Variants in MICU1 observed in about 807,000 individuals in gnomAD.
MICU1 encodes mitochondrial calcium uptake 1.
A neutral mutation model predicts 56.8 loss-of-function variants in MICU1; 45 were observed. The observed-to-expected ratio is 0.79, with a 90% CI of 0.62 to 1.02. MICU1 has a LOEUF of 1.02. Ranked by LOEUF, MICU1 falls within the 50% of genes least tolerant of loss-of-function variation. The pLI is 0.00. For missense variants in MICU1, 504 were observed against 587.1 expected (o/e 0.86, Z 1.46); for synonymous variants, 186 against 195.1 (o/e 0.95, Z 0.39).
chr10:72,462,574 T>A (rs1024199254), intron 8 of MICU1, among the ~76,000 whole-genome samples: 1 of 152,212 alleles, frequency 6.6e-6, no homozygotes, highest in Non-Finnish European at 1.5e-5. Flanking sequence ...CTGTTGTAGC[T>A]AGAAGTGTAT....
chr10:72,604,475 G>A (rs980877625), intron 1 of MICU1, among the ~76,000 whole-genome samples: 13 of 151,886 alleles, frequency 8.6e-5, no homozygotes, highest in Middle Eastern at 6.8e-3. Flanking sequence ...GTTTCTCCAC[G>A]TTGGTCAGGC....
intron 6 of MICU1, among the ~76,000 whole-genome samples, chr10:72,493,994 CTA>C (rs1866752876): frequency 6.6e-6 from 1 of 152,106 alleles, no homozygotes; most frequent in Admixed American, 6.6e-5. Flanking sequence ...TTTGGGAACA[CTA>C]TGAATTTGGT....
intron 8 of MICU1, among the ~76,000 whole-genome samples, chr10:72,450,085 G>A (rs1865246963): frequency 6.6e-6 from 1 of 152,088 alleles, no homozygotes; most frequent in Admixed American, 6.6e-5. Flanking sequence ...ACACTCTCGT[G>A]AAAGTTCTCA....
At chr10:72,493,097 C>T (rs908128115) in intron 6 of MICU1, among the ~76,000 whole-genome samples, 1 of 152,012 alleles carries the variant, frequency 6.6e-6, no homozygotes, top group Non-Finnish European at 1.5e-5. Context: ...AGCCTGCTTA[C>T]CCCCCAAACA....
intron 1 of MICU1, among the ~76,000 whole-genome samples, chr10:72,589,286 C>T (rs1276657405): frequency 1.3e-5 from 2 of 148,890 alleles, no homozygotes; most frequent in East Asian, 3.9e-4. Context: ...GAAACTCCGT[C>T]TCAGGGAAAA....
At chr10:72,569,426 G>A (rs1840551445) in intron 1 of MICU1, among the ~76,000 whole-genome samples, 1 of 149,910 alleles carries the variant, frequency 6.7e-6, no homozygotes, top group Non-Finnish European at 1.5e-5. Flanking sequence ...ATAGAGATGG[G>A]GTTTCATCAT....
At chr10:72,403,489 T>G (rs895883704) in intron 10 of MICU1, among the ~76,000 whole-genome samples, 1 of 152,000 alleles carries the variant, frequency 6.6e-6, no homozygotes, top group African/African-American at 2.4e-5. Flanking sequence ...AGTGTTGGGA[T>G]TATAGGTGTA....
At chr10:72,542,250 G>A (rs1839790389) in intron 4 of MICU1, among the ~76,000 whole-genome samples, 1 of 152,074 alleles carries the variant, frequency 6.6e-6, no homozygotes, top group Non-Finnish European at 1.5e-5. Flanking sequence ...GCTGCTTCTT[G>A]TGATTTTTTT....
chr10:72,397,528 T>C lies in MICU1; in HGVS notation c.1180+10401A>G, dbSNP rs569966508. On this transcript the variant is annotated intron_variant, in intron 10 of 11. Transcript: ENST00000361114. ...TCAAGATGCATCAGTGTGCTGTATT[T>C]AGGAGACCCATCTCATGTGCAAAGA... 7.2e-5 allele frequency among the ~76,000 whole-genome samples: 11 copies of C among 152,284 alleles called. 1 individual carries two copies. In the South Asian group the frequency reaches 1.9e-3, roughly 26 times the overall value.
Position 72,412,131 on chromosome 10 carries a change from T to A in MICU1, c.1072-4094A>T, listed in dbSNP as rs533152021. 3.3e-5 allele frequency among the ~76,000 whole-genome samples: 5 copies of A among 152,340 alleles called. No homozygotes were observed. The East Asian group carries it at 7.7e-4, about 24-fold the overall frequency. On this transcript the variant is annotated intron_variant, in intron 9 of 11. Transcript: ENST00000361114. ...AAGATGATGTCAGTCCCAAAATTCT[T>A]ATTTTTTTGGTAACTACTATGGTAA...
intron 3 of MICU1, among the ~76,000 whole-genome samples, chr10:72,553,389 A>G (rs1840084466): frequency 6.6e-6 from 1 of 152,014 alleles, no homozygotes; most frequent in Non-Finnish European, 1.5e-5. Flanking sequence ...GCCCGCCACC[A>G]CGCCCGGCTA....
At chr10:72,487,641 G>C (rs1487384521) in intron 6 of MICU1, among the ~76,000 whole-genome samples, 1 of 152,178 alleles carries the variant, frequency 6.6e-6, no homozygotes, top group African/African-American at 2.4e-5. Context: ...TTCTGAAGGA[G>C]AATGATAATA....
chr10:72,492,434 G>A (rs1273606815), intron 6 of MICU1, among the ~76,000 whole-genome samples: 2 of 152,080 alleles, frequency 1.3e-5, no homozygotes, highest in African/African-American at 4.8e-5. Context: ...CAATTTTGCT[G>A]ACAGATTGGA....
At chr10:72,562,734 T>C (rs1840331264) in intron 3 of MICU1, 161 bp downstream of exon 3, 1 of 566,466 alleles carries the variant, frequency 1.8e-6, no homozygotes, top group South Asian at 4.6e-5. Context: ...TAACCTCACA[T>C]TCCAAGAGTA....
chr10:72,517,900 T>A (rs1190551560), intron 5 of MICU1, among the ~76,000 whole-genome samples: 1 of 152,166 alleles, frequency 6.6e-6, no homozygotes, highest in Non-Finnish European at 1.5e-5. Context: ...ACACCACTTA[T>A]ACACTTCAGG....
chr10:72,455,373 A>G (rs2132223416), intron 8 of MICU1, among the ~76,000 whole-genome samples: 2 of 149,230 alleles, frequency 1.3e-5, no homozygotes, highest in South Asian at 2.1e-4. Flanking sequence ...AAAAAAAAAA[A>G]AAAGATCAAA....
At chr10:72,620,922 G>A (rs1842089583) in intron 1 of MICU1, among the ~76,000 whole-genome samples, 1 of 151,754 alleles carries the variant, frequency 6.6e-6, no homozygotes, top group Non-Finnish European at 1.5e-5. Context: ...CCACTCTATC[G>A]TGCTCTTAAA....
chr10:72,611,160 G>A (rs534103357), intron 1 of MICU1, among the ~76,000 whole-genome samples: 139 of 149,968 alleles, frequency 9.3e-4, no homozygotes, highest in African/African-American at 3.0e-3. Flanking sequence ...AAAATTAGCC[G>A]GGCGCTGTAG....
chr10:72,569,653 A>C (rs1840557976), intron 1 of MICU1, among the ~76,000 whole-genome samples: 1 of 152,208 alleles, frequency 6.6e-6, no homozygotes, highest in Admixed American at 6.5e-5. Flanking sequence ...CTTAAGCCTC[A>C]GAATGGTGTA....
Sources: gnomAD v4.1 joint callset for allele counts (sites outside exome capture counted in the v4.1 genomes callset) on GRCh38, gnomAD v4.1.1 for gene constraint, MANE v1.5 for transcripts, NCBI Gene and HGNC (gene_info 2026-07-23, HGNC 2026-07-21) for gene names.